YIPF2: variants seen among roughly 807,000 people sequenced by gnomAD.
YIPF2 encodes the protein Yip1 domain family member 2.
YIPF2 carries 30 observed loss-of-function variants against 38.8 expected under a neutral mutation model. That is an observed-to-expected ratio of 0.77 (90% CI 0.58 to 1.05). The LOEUF is 1.05. Among genes scored for constraint, YIPF2 ranks in the 50% least tolerant of loss-of-function variants. The pLI is 0.00. For missense variants in YIPF2, 401 were observed against 409.7 expected (o/e 0.98, Z 0.18); for synonymous variants, 194 against 183.8 (o/e 1.06, Z -0.45).
rs1325458564 is a variant in YIPF2, at chr19:10,925,751, G to A, written c.302C>T (p.Ser101Leu). ...TSQVLDRIKGSLLPRPGHNFV... is the reference protein window; with the variant it reads ...TSQVLDRIKGLLLPRPGHNFV... ...GTTGTGGCCAGGCCGGGGCAGCAGTGAGCCTTTGATCCGGTCCAGGACCTG... is the reference window on the plus strand; with the variant it reads ...GTTGTGGCCAGGCCGGGGCAGCAGTAAGCCTTTGATCCGGTCCAGGACCTG... The change falls in exon 5 of 10, where the codon TCA (serine) becomes TTA (leucine). Residue 101 changes from serine (S) to leucine (L), a missense_variant. Physicochemically the swap from Ser to Leu is moderately radical, Grantham distance 145. Coordinates refer to ENST00000586748, the MANE Select transcript of YIPF2 (RefSeq NM_001321439.2). 6.2e-7 allele frequency: 1 copy of A among 1,613,866 alleles called. No individual in the cohort carries two copies. The highest frequency in any genetic ancestry group is 8.5e-7 in the Non-Finnish European group (1 of 1,179,986).
intron 4 of YIPF2, 64 bp downstream of exon 4, chr19:10,927,566 G>A (rs200178760): frequency 6.9e-6 from 11 of 1,585,186 alleles, no homozygotes; most frequent in Non-Finnish European, 9.5e-6. Context: ...CCCTGCCCAG[G>A]GGAAGAGTGG....
chr19:10,927,943 A>AG lies in YIPF2; in HGVS notation c.47dup (p.Asn17Ter). 1 of 1,607,230 alleles carries AG rather than the reference A, an allele frequency of 6.2e-7. No homozygotes were observed. The highest frequency in any genetic ancestry group is 1.3e-5 in the African/African-American group (1 of 74,904). On this transcript the variant is annotated frameshift_variant, in exon 3 of 10. Coordinates refer to ENST00000586748, the MANE Select transcript of YIPF2 (RefSeq NM_001321439.2). LOFTEE classifies it high-confidence loss of function. ...CATCTGGGGTGTCAGCCAGAAGATT[A>AG]GTGGCCTCCTCGAATTCTGTGGAGG... is the stretch of plus-strand genomic sequence containing the variant.
At position 10,928,605 on chromosome 19, in the gene YIPF2, G is replaced by C. The variant is rs2083464110; in HGVS notation, c.-125C>G. 2.2e-6 allele frequency: 2 copies of C among 910,920 alleles called. No homozygotes were observed. The highest frequency in any genetic ancestry group is 3.1e-6 in the Non-Finnish European group (2 of 649,472). The allele number at this position is 910,920 out of a possible 1,614,324, so 56.4% of individuals were successfully genotyped here. A position where few individuals can be genotyped will look rare whatever the true frequency, so the allele number is the denominator to read the frequency against. On this transcript the variant is annotated 5_prime_UTR_variant, in exon 1 of 10. Transcript: ENST00000586748. ...CTCACCTGAGGCCACCTGGGCCGGC[G>C]TGGCTGGGGCTCTCTGCGCCTGCGC...
intron 4 of YIPF2, among the ~76,000 whole-genome samples, chr19:10,926,250 G>A (rs1290226512): frequency 3.5e-5 from 5 of 142,630 alleles, no homozygotes; most frequent in Non-Finnish European, 7.6e-5. Context: ...GTTTTGAGAC[G>A]GAGTCTCGCT....
At position 10,928,639 on chromosome 19, in the gene YIPF2, T is replaced by A; in HGVS notation, c.-159A>T. ...GCTCTCTGCGCCTGCGCGTCTCGCC[T>A]ACCCGTCAGACTCCAACCGACTCAG... On this transcript the variant is annotated 5_prime_UTR_variant, in exon 1 of 10. Transcript: ENST00000586748. 2.4e-6 allele frequency: 2 copies of A among 839,088 alleles called. No homozygotes were observed. The highest frequency in any genetic ancestry group is 3.4e-6 in the Non-Finnish European group (2 of 581,530). 52.0% of individuals were successfully genotyped at this position (839,088 alleles called of 1,614,324 possible). A position where few individuals can be genotyped will look rare whatever the true frequency, so the allele number is the denominator to read the frequency against.
In YIPF2 at chr19:10,923,315, C is replaced by T. The variant is rs769933786; in HGVS notation, c.927G>A (p.Leu309=). 1.9e-6 allele frequency: 3 copies of T among 1,611,852 alleles called. No individual in the cohort carries two copies. Among genetic ancestry groups the T allele is most frequent in the Non-Finnish European group, 2.5e-6 (3 of 1,179,120 alleles). ...LPSNIALSPT[L]PQSLAPS ...CCTAGGAGGGGGCCAGGGACTGCGG[C>T]AAGGTAGGGGACAGCGCGATGTTTG... The change falls in exon 9 of 10, where the codon TTG becomes TTA. Residue 309 remains leucine (L), a synonymous_variant. Coordinates refer to ENST00000586748, the MANE Select transcript of YIPF2 (RefSeq NM_001321439.2).
At position 10,927,803 on chromosome 19, in the gene YIPF2, G is replaced by A. The variant is rs767331965; in HGVS notation, c.188C>T (p.Ala63Val). Residue 63 changes from alanine (A) to valine (V), a missense_variant, in exon 3 of 10, where the codon GCC becomes GTC. Coordinates refer to ENST00000586748, the MANE Select transcript of YIPF2 (RefSeq NM_001321439.2). ...AGGCAGGACACAGGGACTCACCGCG[G>A]CCTTGTCACTCTCCTCCTCCACCTC... ...EDEVEEESDK[A>V]ALLQEQQQQQ... 5 of 1,606,990 alleles carry A rather than the reference G, an allele frequency of 3.1e-6. No individual in the cohort carries two copies. Among genetic ancestry groups the A allele is most frequent in the South Asian group, 1.1e-5 (1 of 90,986 alleles).
intron 6 of YIPF2, 31 bp downstream of exon 6, chr19:10,924,045 T>G (rs1034378937): frequency 9.3e-6 from 15 of 1,612,950 alleles, no homozygotes; most frequent in Non-Finnish European, 1.3e-5. Context: ...CCCAGGGCCC[T>G]GCCAGGCATT....
intron 4 of YIPF2, 23 bp from the exon 5 acceptor site, chr19:10,925,796 G>A: frequency 6.2e-7 from 1 of 1,611,476 alleles, no homozygotes; most frequent in Non-Finnish European, 8.5e-7. Flanking sequence ...CCAAGGTCAA[G>A]GATGGAAGTC....
chr19:10,927,989 C>A (rs550690440), intron 2 of YIPF2, 30 bp from the exon 3 acceptor site: 21 of 1,583,528 alleles, frequency 1.3e-5, no homozygotes, highest in South Asian at 7.8e-5. Context: ...GACACACGCA[C>A]GTTTGAGGGG....
In YIPF2 at chr19:10,928,560, A is replaced by C; in HGVS notation, c.-80T>G. The C allele has an allele frequency of 8.9e-7, 1 of 1,117,916 alleles. No individual in the cohort carries two copies. The highest frequency in any genetic ancestry group is 3.2e-4 in the Middle Eastern group (1 of 3,174). 69.2% of individuals were successfully genotyped at this position (1,117,916 alleles called of 1,614,324 possible). A position where few individuals can be genotyped will look rare whatever the true frequency, so the allele number is the denominator to read the frequency against. On this transcript the variant is annotated 5_prime_UTR_variant, in exon 1 of 10. Coordinates refer to ENST00000586748, the MANE Select transcript of YIPF2 (RefSeq NM_001321439.2). Reference sequence around the variant, plus strand: ...GGCTTGAACTCGTCGTCCCGTCCCCACAGGTGCGCTCCGCCCCCCCTCACC... The same window carrying C: ...GGCTTGAACTCGTCGTCCCGTCCCCCCAGGTGCGCTCCGCCCCCCCTCACC...
Position 10,928,388 on chromosome 19 carries a change from G to A in YIPF2, c.23C>T (p.Thr8Ile). ...GTCGGGGCCGCACTCACCATGGAAG[G>A]TCAGCTCGTCGGCCGATGCCATGGT... The part of the protein sequence containing the change: MASADEL[T>I]FHEFEEATNL... Residue 8 changes from threonine to isoleucine, a missense_variant, in exon 2 of 10, where the codon ACC becomes ATC. By Grantham distance (89) the Thr-to-Ile change is moderately conservative (BLOSUM62 -1). Transcript: ENST00000586748. The A allele has an allele frequency of 7.5e-7, 1 of 1,333,060 alleles. No individual in the cohort carries two copies. The highest frequency in any genetic ancestry group is 9.6e-7 in the Non-Finnish European group (1 of 1,037,160). The allele number at this position is 1,333,060 out of a possible 1,614,324, so 82.6% of individuals were successfully genotyped here.
At chr19:10,925,833 G>A (rs141162285) in intron 4 of YIPF2, 60 bp from the exon 5 acceptor site, 3 of 1,554,902 alleles carry the variant, frequency 1.9e-6, no homozygotes, top group Non-Finnish European at 2.6e-6. Context: ...CTTGTCCTGA[G>A]AGGCTCCTTC....
rs1164739332 is a variant in YIPF2 at position 10,924,071 on chromosome 19, C to T, written c.484+5G>A. Reference sequence around the variant, plus strand: ...GCCAGGCATTGGGCCTGCCCGTCTGCTTACCCTTGTGGAACTGGGGGCTGT... The same window carrying T: ...GCCAGGCATTGGGCCTGCCCGTCTGTTTACCCTTGTGGAACTGGGGGCTGT... On this transcript the variant is annotated splice_donor_5th_base_variant and intron_variant, in intron 6 of 9. Transcript: ENST00000586748. 4 of 1,613,760 alleles carry T rather than the reference C, an allele frequency of 2.5e-6. No individual in the cohort carries two copies. Among genetic ancestry groups the T allele is most frequent in the South Asian group, 1.1e-5 (1 of 91,076 alleles).
Position 10,922,556 on chromosome 19 carries a change from G to C in YIPF2, c.*638C>G, listed in dbSNP as rs2074274585. On this transcript the variant is annotated 3_prime_UTR_variant, in exon 10 of 10. Transcript: ENST00000586748. ...CTGCCGGCCACTTGGGGCAGACACA[G>C]ACACCTCAAGGATCTGTCACGGAAG... The C allele has an allele frequency of 6.9e-6, 1 of 144,548 alleles. No individual in the cohort carries two copies. Among genetic ancestry groups the C allele is most frequent in the Non-Finnish European group, 1.5e-5 (1 of 67,096 alleles). 9.0% of individuals were successfully genotyped at this position (144,548 alleles called of 1,614,324 possible). A position where few individuals can be genotyped will look rare whatever the true frequency, so the allele number is the denominator to read the frequency against.
chr19:10,927,765 G>A (rs2083450071), intron 3 of YIPF2, 34 bp downstream of exon 3: 1 of 1,609,936 alleles, frequency 6.2e-7, no homozygotes. Flanking sequence ...TGGGTCAGCT[G>A]GGGGCTGCAA....
At position 10,923,537 on chromosome 19, in the gene YIPF2, G is replaced by A. The variant is rs769178807; in HGVS notation, c.792C>T (p.Ser264=). 31 of 1,612,366 alleles carry A rather than the reference G, an allele frequency of 1.9e-5. No homozygotes were observed. Among genetic ancestry groups the A allele is most frequent in the African/African-American group, 5.3e-5 (4 of 74,908 alleles). Residue 264 remains serine, a synonymous_variant, in exon 8 of 10, where the codon TCC becomes TCT. Transcript: ENST00000586748. The stretch of plus-strand genomic sequence containing the variant: ...GGAGGGCGTGGAGCAGCACGACCAC[G>A]GACAGCAGCACTGTGGCCACCAGCC... ...DTRLVATVLL[S]VVVLLHALLA...
chr19:10,925,105 G>T (rs1004055383), intron 5 of YIPF2, among the ~76,000 whole-genome samples: 28 of 152,134 alleles, frequency 1.8e-4, no homozygotes, highest in Middle Eastern at 3.4e-3. Context: ...GGTGGCACGT[G>T]CCTGTAATCC....
chr19:10,923,878 A>T lies in YIPF2; in HGVS notation c.606T>A (p.Thr202=). ...AGAGGGAGTAGCCGTAGATGCACAC[A>T]GTCTCCAGGAAGGTGTAGGGCCCCA... ...ERMGPYTFLE[T]VCIYGYSLFV... is the part of the protein sequence containing the mutation. Residue 202 remains threonine, a synonymous_variant, in exon 7 of 10, where the codon ACT becomes ACA. Transcript: ENST00000586748. 1 of 1,613,358 alleles carries T rather than the reference A, an allele frequency of 6.2e-7. No homozygotes were observed. Among genetic ancestry groups the T allele is most frequent in the Non-Finnish European group, 8.5e-7 (1 of 1,179,648 alleles).
Sources: gnomAD v4.1 joint callset for allele counts (sites outside exome capture counted in the v4.1 genomes callset) on GRCh38, gnomAD v4.1.1 for gene constraint, MANE v1.5 for transcripts, NCBI Gene and HGNC (gene_info 2026-07-23, HGNC 2026-07-21) for gene names.